The following CD68 variants were observed in gnomAD, a reference collection of about 807,000 sequenced individuals.
CD68 encodes the protein macrosialin.
CD68 carries 24 observed loss-of-function variants against 31.3 expected under a neutral mutation model. The ratio of observed to expected loss-of-function variants is 0.77; its 90% CI spans 0.55 to 1.08. The LOEUF (loss-of-function observed/expected upper bound fraction) is 1.08. Ranked by LOEUF, CD68 falls within the 50% of genes least tolerant of loss-of-function variation. The pLI is 0.00. For missense variants in CD68, 461 were observed against 442.5 expected (o/e 1.04, Z -0.38); for synonymous variants, 190 against 179.6 (o/e 1.06, Z -0.46).
rs112539171 is a variant in CD68 at position 7,580,420 on chromosome 17, G to A, written c.568-46G>A. 17 of 1,611,642 alleles carry A rather than the reference G, an allele frequency of 1.1e-5. No homozygotes were observed. Among genetic ancestry groups the A allele is most frequent in the South Asian group, 4.4e-5 (4 of 90,984 alleles). On this transcript the variant is annotated intron_variant, in intron 2 of 5. Coordinates refer to ENST00000250092, the MANE Select transcript of CD68 (RefSeq NM_001251.3). The surrounding 1 kb of genome is among the most constrained non-coding windows in gnomAD (Gnocchi z 4.3). ...GAAGAGGGGACAGGGAACCTTGGCC[G>A]GCATCGCATGCAGTCTTGTGACCTT...
At chr17:7,579,754 G>A in intron 1 of CD68, 28 bp downstream of exon 1, 1 of 1,602,220 alleles carries the variant, frequency 6.2e-7, no homozygotes, top group Non-Finnish European at 8.5e-7. Context: ...TGAGGGGAGG[G>A]GGCCCCTGGG....
chr17:7,579,954 CCACCACAGG>C lies in CD68; in HGVS notation c.201_209del (p.Gly68_Thr70del). 2.5e-6 allele frequency: 4 copies of C among 1,613,882 alleles called. No individual in the cohort carries two copies. The highest frequency in any genetic ancestry group is 3.4e-6 in the Non-Finnish European group (4 of 1,179,880). On this transcript the variant is annotated inframe_deletion, in exon 2 of 6. Coordinates refer to ENST00000250092, the MANE Select transcript of CD68 (RefSeq NM_001251.3). ...CACAAAACCACCACTCACAGGACAA[CCACCACAGG>C]CACCACCAGCCACGGACCCACGACT...
Position 7,581,347 on chromosome 17 carries a change from C to T in CD68, c.932-31C>T. The T allele has an allele frequency of 2.5e-6, 4 of 1,613,922 alleles. No individual in the cohort carries two copies. The South Asian group carries it at 4.4e-5, about 18-fold the overall frequency. On this transcript the variant is annotated intron_variant, in intron 5 of 5. Transcript: ENST00000250092. ...CTTTATCCCAACCAGCACGTCACTG[C>T]AAATACCTACCTGCCCTATCCTTCC...
At position 7,580,527 on chromosome 17, in the gene CD68, C is replaced by A; in HGVS notation, c.629C>A (p.Ala210Asp). ...KTKVQGSCEG[A>D]HPHLLLSFPY... ...AAGGTCCAGGGAAGCTGTGAGGGTG[C>A]CCATCCCCACCTGCTTCTCTCATTC... The change falls in exon 3 of 6, where the codon GCC (alanine) becomes GAC (aspartate). Residue 210 changes from alanine to aspartate, a missense_variant. Transcript: ENST00000250092. The surrounding 1 kb of genome is among the most constrained non-coding windows in gnomAD (Gnocchi z 4.3). The A allele has an allele frequency of 6.2e-7, 1 of 1,613,970 alleles. No individual in the cohort carries two copies. Among genetic ancestry groups the A allele is most frequent in the Non-Finnish European group, 8.5e-7 (1 of 1,179,962 alleles).
At chr17:7,581,137 A>C (rs1478325645) in intron 5 of CD68, 71 bp downstream of exon 5, 2 of 1,388,446 alleles carry the variant, frequency 1.4e-6, no homozygotes, top group South Asian at 2.4e-5. Context: ...CAGGCCCATA[A>C]GCCACTCATC....
Position 7,581,061 on chromosome 17 carries a change from G to A in CD68, c.926G>A (p.Gly309Glu). Residue 309 changes from glycine to glutamate, a missense_variant, in exon 5 of 6, where the codon GGG becomes GAG. Coordinates refer to ENST00000250092, the MANE Select transcript of CD68 (RefSeq NM_001251.3). ...CAGCTGCCCCACACAGGGGTCTTTG[G>A]GCAAAGTAAGACCTACCTACTCCTT... The part of the protein sequence containing the change: ...AAQLPHTGVF[G>E]QSFSCPSDRS... 1.9e-6 allele frequency: 3 copies of A among 1,613,140 alleles called. No individual in the cohort carries two copies. Among genetic ancestry groups the A allele is most frequent in the Non-Finnish European group, 2.5e-6 (3 of 1,179,660 alleles).
Position 7,580,788 on chromosome 17 carries a change from G to A in CD68, c.760+5G>A. ...TGTCCTTCCCCCACGCAGCACGTAA[G>A]TAACCTCCTTCCCTTTCTCATTGCT... On this transcript the variant is annotated splice_donor_5th_base_variant and intron_variant, in intron 4 of 5. Transcript: ENST00000250092. This position sits in a 1 kb window ranked among gnomAD's most constrained non-coding sequence, Gnocchi z 4.3. 1 of 1,614,096 alleles carries A rather than the reference G, an allele frequency of 6.2e-7. No homozygotes were observed. The highest frequency in any genetic ancestry group is 1.6e-4 in the Middle Eastern group (1 of 6,062).
At chr17:7,581,113 G>A (rs1199573423) in intron 5 of CD68, 47 bp downstream of exon 5, 1 of 1,531,004 alleles carries the variant, frequency 6.5e-7, no homozygotes, top group African/African-American at 1.4e-5. Context: ...CCACTGCACT[G>A]AAAACCCCTT....
chr17:7,580,648 CCA>C lies in CD68; in HGVS notation c.688-59_688-58del. On this transcript the variant is annotated intron_variant, in intron 3 of 5. Coordinates refer to ENST00000250092, the MANE Select transcript of CD68 (RefSeq NM_001251.3). The surrounding 1 kb of genome is among the most constrained non-coding windows in gnomAD (Gnocchi z 4.3). ...TCCCGGCGCCCCTCCCCTCCCAATC[CCA>C]CACGCTACTCCTTCCTCTGTGGAGA... 1.9e-6 allele frequency: 3 copies of C among 1,613,800 alleles called. No individual in the cohort carries two copies. The South Asian group carries it at 3.3e-5, about 18-fold the overall frequency.
At position 7,580,609 on chromosome 17, in the gene CD68, C is replaced by G. The variant is rs370280464; in HGVS notation, c.687+24C>G. ...AGGTATAGCCATGACCTCAGTCTCA[C>G]CCCTCACTCAGCCTCCCGGCGCCCC... is the stretch of plus-strand genomic sequence containing the variant. On this transcript the variant is annotated intron_variant, in intron 3 of 5. Transcript: ENST00000250092. The surrounding 1 kb of genome is among the most constrained non-coding windows in gnomAD (Gnocchi z 4.3). 2 of 1,613,774 alleles carry G rather than the reference C, an allele frequency of 1.2e-6. No individual in the cohort carries two copies. The highest frequency in any genetic ancestry group is 1.7e-6 in the Non-Finnish European group (2 of 1,179,792).
chr17:7,581,573 TTCC>T lies in CD68; in HGVS notation c.*65_*67del, dbSNP rs2150930835. 1.3e-6 allele frequency: 2 copies of T among 1,530,132 alleles called. No individual in the cohort carries two copies. The highest frequency in any genetic ancestry group is 4.5e-5 in the East Asian group (2 of 44,388). 94.8% of individuals were successfully genotyped at this position (1,530,132 alleles called of 1,614,324 possible). On this transcript the variant is annotated 3_prime_UTR_variant, in exon 6 of 6. Transcript: ENST00000250092. The stretch of plus-strand genomic sequence containing the variant: ...GGGTGTGGTGGGGGGGTACCCTTAT[TTCC>T]TCGACACGCAACTGGCTCAAAGACA...
chr17:7,581,151 C>T lies in CD68; in HGVS notation c.931+85C>T, dbSNP rs942470985. On this transcript the variant is annotated intron_variant, in intron 5 of 5. Transcript: ENST00000250092. ...CCAGGCCCATAAGCCACTCATCTCT[C>T]TTCTTAACCCCCCAAATCTCGCTCT... is the stretch of plus-strand genomic sequence containing the variant. 7.7e-6 allele frequency: 10 copies of T among 1,301,344 alleles called. No homozygotes were observed. In the African/African-American group the frequency reaches 1.5e-4, roughly 19 times the overall value. 80.6% of individuals were successfully genotyped at this position (1,301,344 alleles called of 1,614,324 possible). A position where few individuals can be genotyped will look rare whatever the true frequency, so the allele number is the denominator to read the frequency against.
rs370867284 is a variant in CD68, at chr17:7,581,492, C to T, written c.1046C>T (p.Ser349Phe). 1.2e-4 allele frequency: 195 copies of T among 1,614,120 alleles called. No individual in the cohort carries two copies. Among genetic ancestry groups the T allele is most frequent in the Non-Finnish European group, 1.6e-4 (190 of 1,180,060 alleles). Residue 349 changes from serine (S) to phenylalanine (F), a missense_variant, in exon 6 of 6, where the codon TCC becomes TTC. Coordinates refer to ENST00000250092, the MANE Select transcript of CD68 (RefSeq NM_001251.3). ...TTCTGCATCATCCGGAGACGCCCAT[C>T]CGCCTACCAGGCCCTCTGAGCATTT... ...IAFCIIRRRP[S>F]AYQAL
In CD68 at chr17:7,580,660, C is replaced by CCTT; in HGVS notation, c.688-49_688-47dup. ...TCCCCTCCCAATCCCACACGCTACT[C>CCTT]CTTCCTCTGTGGAGAGGGATACCAC... is the stretch of plus-strand genomic sequence containing the variant. On this transcript the variant is annotated intron_variant, in intron 3 of 5. Transcript: ENST00000250092. The surrounding 1 kb of genome is among the most constrained non-coding windows in gnomAD (Gnocchi z 4.3). 1 of 1,613,746 alleles carries CCTT rather than the reference C, an allele frequency of 6.2e-7. No individual in the cohort carries two copies. Among genetic ancestry groups the CCTT allele is most frequent in the South Asian group, 1.1e-5 (1 of 91,072 alleles).
At position 7,581,383 on chromosome 17, in the gene CD68, T is replaced by C. The variant is rs1286601440; in HGVS notation, c.937T>C (p.Ser313Pro). Residue 313 changes from serine (S) to proline (P), a missense_variant, in exon 6 of 6, where the codon TCC (serine) becomes CCC (proline). Physicochemically the swap from Ser to Pro is moderately conservative, Grantham distance 74 (BLOSUM62 -1). Transcript: ENST00000250092. ...PHTGVFGQSFSCPSDRSILLP... is the reference protein window; with the variant it reads ...PHTGVFGQSFPCPSDRSILLP... Reference sequence around the variant, plus strand: ...CTGCCCTATCCTTCCGCCAGGTTTCTCCTGCCCCAGTGACCGGTCCATCTT... The same window carrying C: ...CTGCCCTATCCTTCCGCCAGGTTTCCCCTGCCCCAGTGACCGGTCCATCTT... The C allele has an allele frequency of 6.2e-7, 1 of 1,614,044 alleles. No homozygotes were observed. The highest frequency in any genetic ancestry group is 1.7e-5 in the Admixed American group (1 of 59,988).
In CD68 at chr17:7,580,767, C is replaced by T. The variant is rs778647589; in HGVS notation, c.744C>T (p.Ser248=). ...ACATGGCGGTGGAGTACAATGTGTC[C>T]TTCCCCCACGCAGCACGTAAGTAAC... The part of the protein sequence containing the change: ...LSYMAVEYNV[S]FPHAAQWTFS... The change falls in exon 4 of 6, where the codon TCC becomes TCT. Residue 248 remains serine, a synonymous_variant. Coordinates refer to ENST00000250092, the MANE Select transcript of CD68 (RefSeq NM_001251.3). The surrounding 1 kb of genome is among the most constrained non-coding windows in gnomAD (Gnocchi z 4.3). The T allele has an allele frequency of 6.2e-7, 1 of 1,614,086 alleles. No homozygotes were observed. Among genetic ancestry groups the T allele is most frequent in the South Asian group, 1.1e-5 (1 of 91,086 alleles).
In CD68 at chr17:7,579,666, G is replaced by C. The variant is rs1183436411; in HGVS notation, c.-12G>C. On this transcript the variant is annotated 5_prime_UTR_variant, in exon 1 of 6. Transcript: ENST00000250092. ...GACAGCCTAGCTGGACTTTGGGTGA[G>C]GCGGTTCAGCCATGAGGCTGGCTGT... The C allele has an allele frequency of 1.4e-5, 23 of 1,601,386 alleles. No individual in the cohort carries two copies. The highest frequency in any genetic ancestry group is 2.6e-6 in the Non-Finnish European group (3 of 1,174,292).
Position 7,579,826 on chromosome 17 carries a change from T to C in CD68, c.66T>C (p.Asn22=). ...TGCCAAAAGCCCAGGGGACAGGGAA[T>C]GACTGTCCTCACAAAAAATCAGCTA... ...LGLLAAQGTG[N]DCPHKKSATL... is the part of the protein sequence containing the mutation. Residue 22 remains asparagine (N), a synonymous_variant, in exon 2 of 6, where the codon AAT becomes AAC. Coordinates refer to ENST00000250092, the MANE Select transcript of CD68 (RefSeq NM_001251.3). 6.2e-7 allele frequency: 1 copy of C among 1,613,680 alleles called. No individual in the cohort carries two copies. The highest frequency in any genetic ancestry group is 8.5e-7 in the Non-Finnish European group (1 of 1,179,816).
Position 7,580,532 on chromosome 17 carries a change from C to G in CD68, c.634C>G (p.Pro212Ala), listed in dbSNP as rs757293909. ...KVQGSCEGAHPHLLLSFPYGH... is the reference protein window; with the variant it reads ...KVQGSCEGAHAHLLLSFPYGH... ...CCAGGGAAGCTGTGAGGGTGCCCATCCCCACCTGCTTCTCTCATTCCCCTA... is the reference window on the plus strand; with the variant it reads ...CCAGGGAAGCTGTGAGGGTGCCCATGCCCACCTGCTTCTCTCATTCCCCTA... The change falls in exon 3 of 6, where the codon CCC (proline) becomes GCC (alanine). Residue 212 changes from proline to alanine, a missense_variant. Pro to Ala is a conservative substitution (Grantham distance 27). Coordinates refer to ENST00000250092, the MANE Select transcript of CD68 (RefSeq NM_001251.3). The surrounding 1 kb of genome is among the most constrained non-coding windows in gnomAD (Gnocchi z 4.3). The G allele has an allele frequency of 1.9e-6, 3 of 1,614,038 alleles. No individual in the cohort carries two copies. In the South Asian group the frequency reaches 3.3e-5, roughly 18 times the overall value.
Sources: allele counts gnomAD v4.1 joint callset, GRCh38; gene constraint gnomAD v4.1.1; non-coding constraint Gnocchi (gnomAD v3.1); transcripts MANE v1.5; gene names NCBI Gene and HGNC (gene_info 2026-07-23, HGNC 2026-07-21).